SPEF2: variants seen among roughly 807,000 people sequenced by gnomAD.
SPEF2 encodes sperm flagellar and cilia associated 2.
SPEF2 carries 187 observed loss-of-function variants against 224.6 expected under a neutral mutation model. The ratio of observed to expected loss-of-function variants is 0.83; its 90% CI spans 0.74 to 0.94. The LOEUF is 0.94. SPEF2 is among the 40% of genes least tolerant of loss of function. SPEF2 has a pLI of 0.00. For missense variants in SPEF2, 2,170 were observed against 2,135.6 expected (o/e 1.02, Z -0.32); for synonymous variants, 715 against 707.3 (o/e 1.01, Z -0.17).
At chr5:35,788,439 G>T (rs1439274561) in intron 30 of SPEF2, 1 of 702,620 alleles carries the variant, frequency 1.4e-6, no homozygotes, top group Admixed American at 2.0e-5. Flanking sequence ...TTAGAAAAAA[G>T]TAAATTTTTC....
intron 1 of SPEF2, among the ~76,000 whole-genome samples, chr5:35,620,267 T>C (rs1012423832): frequency 3.9e-5 from 6 of 152,184 alleles, no homozygotes; most frequent in Admixed American, 2.6e-4. Flanking sequence ...GAATCTATCA[T>C]GGAAGGACTG....
intron 33 of SPEF2, among the ~76,000 whole-genome samples, 171 bp downstream of exon 33, chr5:35,795,966 A>C (rs2149840474): frequency 6.6e-6 from 1 of 152,258 alleles, no homozygotes; most frequent in African/African-American, 2.4e-5. Flanking sequence ...AGTGTAGAGA[A>C]GTTCTGGGGA....
rs953789471 is a variant in SPEF2, at chr5:35,622,467, C to T, written c.58+4412C>T. On this transcript the variant is annotated intron_variant, in intron 1 of 36. Coordinates refer to ENST00000356031, the MANE Select transcript of SPEF2 (RefSeq NM_024867.4). ...TATAACTTTAGATCTGAAAAATAAT[C>T]TTGGACATCATTTAATTCTTCTTTA... 7.9e-5 allele frequency among the ~76,000 whole-genome samples: 12 copies of T among 152,244 alleles called. No homozygotes were observed. The East Asian group carries it at 2.3e-3, about 29-fold the overall frequency.
intron 2 of SPEF2, among the ~76,000 whole-genome samples, chr5:35,641,115 T>C (rs967432036): frequency 2.2e-4 from 33 of 152,188 alleles, no homozygotes; most frequent in African/African-American, 7.2e-4. Context: ...TCTTGAGAAA[T>C]AGTATACTAG....
intron 34 of SPEF2, among the ~76,000 whole-genome samples, chr5:35,801,072 C>T (rs1480469994): frequency 1.3e-5 from 2 of 152,158 alleles, no homozygotes; most frequent in Non-Finnish European, 2.9e-5. Context: ...CAGAGTGAGG[C>T]CAGATACATA....
At position 35,645,010 on chromosome 5, in the gene SPEF2, A is replaced by T. The variant is rs529036332; in HGVS notation, c.585+485A>T. On this transcript the variant is annotated intron_variant, in intron 4 of 36. Coordinates refer to ENST00000356031, the MANE Select transcript of SPEF2 (RefSeq NM_024867.4). ...CTTACCTTTTCAATCACCTTGAACAACTCTCAACTTCTTTCTGGCCCTTGC... is the reference window on the plus strand; with the variant it reads ...CTTACCTTTTCAATCACCTTGAACATCTCTCAACTTCTTTCTGGCCCTTGC... 9.9e-5 allele frequency among the ~76,000 whole-genome samples: 15 copies of T among 151,868 alleles called. No individual in the cohort carries two copies. The East Asian group carries it at 2.7e-3, about 27-fold the overall frequency.
intron 30 of SPEF2, among the ~76,000 whole-genome samples, chr5:35,786,484 A>AC (rs1468591838): frequency 6.6e-6 from 1 of 151,822 alleles, no homozygotes; most frequent in African/African-American, 2.4e-5. Flanking sequence ...ATATGGTGAA[A>AC]CCCCGTCTCT....
intron 10 of SPEF2, among the ~76,000 whole-genome samples, chr5:35,671,946 C>T (rs980495674): frequency 2.6e-5 from 4 of 151,886 alleles, no homozygotes; most frequent in Non-Finnish European, 5.9e-5. Context: ...ATGCCATATA[C>T]AGGTTTTAGG....
chr5:35,663,417 A>G (rs908994658), intron 8 of SPEF2, among the ~76,000 whole-genome samples: 3 of 152,092 alleles, frequency 2.0e-5, no homozygotes, highest in Non-Finnish European at 2.9e-5. Context: ...TTGCTATGAA[A>G]CTAGTCTTTT....
intron 8 of SPEF2, among the ~76,000 whole-genome samples, chr5:35,664,583 G>A (rs1164194858): frequency 1.3e-5 from 2 of 152,102 alleles, no homozygotes; most frequent in African/African-American, 4.8e-5. Flanking sequence ...GGGAGGCTGA[G>A]GCAGGAGAAT....
chr5:35,737,529 C>A (rs1460955261), intron 21 of SPEF2, among the ~76,000 whole-genome samples: 2 of 152,116 alleles, frequency 1.3e-5, no homozygotes, highest in African/African-American at 4.8e-5. Context: ...CATATCCCTA[C>A]AAAGGACATG....
At chr5:35,685,013 G>A (rs1326839978) in intron 10 of SPEF2, among the ~76,000 whole-genome samples, 1 of 152,150 alleles carries the variant, frequency 6.6e-6, no homozygotes, top group Non-Finnish European at 1.5e-5. Flanking sequence ...GAAAGCAGAA[G>A]CAAGTAATCA....
Position 35,670,227 on chromosome 5 carries a change from G to A in SPEF2, c.1524G>A (p.Lys508=). The A allele has an allele frequency of 6.3e-7, 1 of 1,591,566 alleles. No individual in the cohort carries two copies. ...LLDTNDYEEY[K]NMVGEWALPE... ...ATACCAATGATTATGAAGAATATAA[G>A]GTACCTACTGATATGAAATAATTAG... Residue 508 remains lysine (K), a splice_region_variant and synonymous_variant, in exon 10 of 37, where the codon AAG becomes AAA. Coordinates refer to ENST00000356031, the MANE Select transcript of SPEF2 (RefSeq NM_024867.4).
chr5:35,710,505 C>T (rs1206399004), intron 19 of SPEF2: 19 of 851,434 alleles, frequency 2.2e-5, no homozygotes, highest in Non-Finnish European at 2.7e-5. Flanking sequence ...TGCAGTGAGC[C>T]GAGATTGCCC....
chr5:35,725,482 C>T (rs920773975), intron 20 of SPEF2, among the ~76,000 whole-genome samples: 1 of 152,154 alleles, frequency 6.6e-6, no homozygotes, highest in African/African-American at 2.4e-5. Context: ...CTTTTCCTCC[C>T]TCCTACAATT....
At position 35,740,135 on chromosome 5, in the gene SPEF2, T is replaced by G; in HGVS notation, c.3198T>G (p.Ser1066Arg). The G allele has an allele frequency of 6.2e-7, 1 of 1,614,126 alleles. No individual in the cohort carries two copies. The highest frequency in any genetic ancestry group is 8.5e-7 in the Non-Finnish European group (1 of 1,180,004). The change falls in exon 23 of 37, where the codon AGT (serine) becomes AGG (arginine). Residue 1066 changes from serine (S) to arginine (R), a missense_variant. Ser to Arg is a moderately radical substitution (Grantham distance 110, BLOSUM62 -1). Coordinates refer to ENST00000356031, the MANE Select transcript of SPEF2 (RefSeq NM_024867.4). ...ATTCTATTAATGTCTACAGAACAAG[T>G]TTCCAGGAGTTTCTAAAGCGTCCGG... ...VLAYLYEIRT[S>R]FQEFLKRPDH...
At chr5:35,772,718 G>C (rs1422994496) in intron 27 of SPEF2, among the ~76,000 whole-genome samples, 1 of 152,154 alleles carries the variant, frequency 6.6e-6, no homozygotes, top group African/African-American at 2.4e-5. Context: ...GCAGGAATAA[G>C]GGAAGTGCTT....
chr5:35,728,645 A>G (rs931838650), intron 21 of SPEF2, among the ~76,000 whole-genome samples: 2 of 152,218 alleles, frequency 1.3e-5, no homozygotes, highest in Admixed American at 1.3e-4. Flanking sequence ...CAATTAAATT[A>G]TAAACTCTTT....
chr5:35,630,004 T>C (rs959679612), intron 2 of SPEF2, among the ~76,000 whole-genome samples: 6 of 152,208 alleles, frequency 3.9e-5, no homozygotes, highest in Admixed American at 2.6e-4. Context: ...TCCTGGACCC[T>C]CTACAGATAT....
Sources: allele counts gnomAD v4.1 joint callset (sites outside exome capture counted in the v4.1 genomes callset), GRCh38; gene constraint gnomAD v4.1.1; transcripts MANE v1.5; gene names NCBI Gene and HGNC (gene_info 2026-07-23, HGNC 2026-07-21).